Variants in CORO2B observed in about 807,000 individuals in gnomAD.
The protein encoded by CORO2B is coronin 2B.
CORO2B carries 26 observed loss-of-function variants against 58.8 expected under a neutral mutation model. The observed-to-expected ratio is 0.44, with a 90% CI of 0.32 to 0.61. The LOEUF (loss-of-function observed/expected upper bound fraction) is 0.61, where lower values mean the gene tolerates loss of function less well. Ranked by LOEUF, CORO2B falls within the 20% of genes least tolerant of loss-of-function variation. The probability of loss-of-function intolerance (pLI) is 0.04; values close to 1 mark genes in which losing one functional copy is unlikely to be tolerated. For missense variants in CORO2B, 460 were observed against 645.1 expected (o/e 0.71, Z 3.11); for synonymous variants, 242 against 253.8 (o/e 0.95, Z 0.44).
At chr15:68,565,739 G>C in the CORO2B span, among the ~76,000 whole-genome samples, 1 of 152,144 alleles carries the variant, frequency 6.6e-6, no homozygotes, top group African/African-American at 2.4e-5. Flanking sequence ...TAAGGAACCA[G>C]GCCTGCCTCA....
intron 1 of CORO2B, among the ~76,000 whole-genome samples, chr15:68,585,923 C>T (rs28592947): frequency 0.05 from 7,565 of 152,258 alleles, 317 homozygotes; most frequent in African/African-American, 0.1. Flanking sequence ...GAGGCAGAGC[C>T]GCCTTCTCCA....
chr15:68,682,520 C>T (rs563294702), intron 2 of CORO2B, among the ~76,000 whole-genome samples: 20 of 152,072 alleles, frequency 1.3e-4, no homozygotes, highest in Non-Finnish European at 2.6e-4. Context: ...ATCACATGGC[C>T]GCAGATTGAC....
At chr15:68,694,613 A>G (rs7359303) in intron 2 of CORO2B, among the ~76,000 whole-genome samples, 124,895 of 152,152 alleles carry the variant, frequency 0.82, 54,999 homozygotes, top group East Asian at 1. Context: ...AGAGATTCAG[A>G]CCTCTCTGCT....
At chr15:68,611,193 A>G (rs1447730339) in intron 1 of CORO2B, among the ~76,000 whole-genome samples, 3 of 152,254 alleles carry the variant, frequency 2.0e-5, no homozygotes, top group Non-Finnish European at 4.4e-5. Flanking sequence ...AACACGCTCC[A>G]TGATTCTCTT....
intron 1 of CORO2B, among the ~76,000 whole-genome samples, chr15:68,644,256 G>A (rs1901350357): frequency 1.3e-5 from 2 of 152,154 alleles, no homozygotes; most frequent in Non-Finnish European, 2.9e-5. Context: ...TTAATCATGT[G>A]CTTTGTCATC....
In CORO2B at chr15:68,644,337, T is replaced by C. The variant is rs1448288484; in HGVS notation, c.16-823T>C. 3.3e-5 allele frequency among the ~76,000 whole-genome samples: 5 copies of C among 152,202 alleles called. No individual in the cohort carries two copies. The East Asian group carries it at 7.7e-4, about 23-fold the overall frequency. ...TCCATCCTCAAAATATTGGATTCAG[T>C]AGGTCTAGATTGGGACCCAGTAATC... On this transcript the variant is annotated intron_variant, in intron 1 of 11. Transcript: ENST00000261861.
rs576184315 is a variant in CORO2B at position 68,621,887 on chromosome 15, G to A, written c.16-23273G>A. 3.0e-4 allele frequency among the ~76,000 whole-genome samples: 46 copies of A among 151,912 alleles called. 1 individual carries two copies. Among genetic ancestry groups the A allele is most frequent in the African/African-American group, 1.1e-3 (46 of 41,412 alleles). On this transcript the variant is annotated intron_variant, in intron 1 of 11. Transcript: ENST00000261861. ...TCCTCCCACCTCAGCCTCCCAAGGA[G>A]CTGGGACTATAGGCACATGCCACCA... is the stretch of plus-strand genomic sequence containing the variant.
chr15:68,654,170 C>G (rs527593905), intron 2 of CORO2B, among the ~76,000 whole-genome samples: 1 of 152,304 alleles, frequency 6.6e-6, no homozygotes, highest in South Asian at 2.1e-4. Context: ...GGAAGAATGG[C>G]TGCTGATTTT....
intron 1 of CORO2B, among the ~76,000 whole-genome samples, chr15:68,609,281 C>T (rs1187691061): frequency 1.3e-5 from 2 of 152,178 alleles, no homozygotes; most frequent in Admixed American, 6.5e-5. Context: ...AGAATTTGTC[C>T]TGCCCCATTC....
At chr15:68,547,728 G>C in the CORO2B span, among the ~76,000 whole-genome samples, 7 of 152,018 alleles carry the variant, frequency 4.6e-5, no homozygotes, top group African/African-American at 1.7e-4. Context: ...AAGACAATTA[G>C]CATGACAAAT....
At chr15:68,546,899 A>G in the CORO2B span, among the ~76,000 whole-genome samples, 3 of 152,112 alleles carry the variant, frequency 2.0e-5, no homozygotes, top group Admixed American at 2.0e-4. Flanking sequence ...CAATCAGGAG[A>G]CTTTCACCCT....
At chr15:68,618,191 T>C (rs942596763) in intron 1 of CORO2B, among the ~76,000 whole-genome samples, 11 of 152,166 alleles carry the variant, frequency 7.2e-5, no homozygotes, top group Non-Finnish European at 1.5e-4. Context: ...AAGGTCATGA[T>C]ATGCACTCTA....
intron 2 of CORO2B, among the ~76,000 whole-genome samples, chr15:68,662,805 G>T (rs1902055919): frequency 6.6e-6 from 1 of 152,202 alleles, no homozygotes; most frequent in African/African-American, 2.4e-5. Context: ...TGATCTGAAA[G>T]TGTGTGTATG....
chr15:68,532,069 T>C, the CORO2B span, among the ~76,000 whole-genome samples: 2 of 152,136 alleles, frequency 1.3e-5, no homozygotes, highest in African/African-American at 4.8e-5. Context: ...TGTCTTTTTC[T>C]CTCCAACTGC....
chr15:68,609,317 A>G (rs1024879813), intron 1 of CORO2B, among the ~76,000 whole-genome samples: 3 of 152,226 alleles, frequency 2.0e-5, no homozygotes, highest in Non-Finnish European at 4.4e-5. Context: ...AGCGTTATCT[A>G]GCAAAGGAGA....
At chr15:68,582,528 A>C (rs1033477475) in intron 1 of CORO2B, among the ~76,000 whole-genome samples, 1 of 152,136 alleles carries the variant, frequency 6.6e-6, no homozygotes, top group African/African-American at 2.4e-5. Flanking sequence ...TGCTTTGTAT[A>C]ATTTTCTTGT....
At chr15:68,559,567 G>A in the CORO2B span, 1 of 985,262 alleles carries the variant, frequency 1.0e-6, no homozygotes. This position sits in a 1 kb window ranked among gnomAD's most constrained non-coding sequence, Gnocchi z 4.3. Context: ...CCCGCTGGAA[G>A]AGCTGCAGGG....
intron 5 of CORO2B, among the ~76,000 whole-genome samples, chr15:68,713,000 G>T (rs1381597653): frequency 6.6e-6 from 1 of 152,106 alleles, no homozygotes; most frequent in Non-Finnish European, 1.5e-5. Flanking sequence ...AGTGTGTGAC[G>T]CCAGCCTGAA....
the CORO2B span, among the ~76,000 whole-genome samples, chr15:68,545,605 C>A: frequency 2.9e-5 from 2 of 68,866 alleles, no homozygotes; most frequent in African/African-American, 5.4e-5. Flanking sequence ...AACAGGAATG[C>A]GGGGGGCGGG....
Sources: gnomAD v4.1 joint callset for allele counts (sites outside exome capture counted in the v4.1 genomes callset) on GRCh38, gnomAD v4.1.1 for gene constraint, Gnocchi (gnomAD v3.1) non-coding constraint, MANE v1.5 for transcripts, NCBI Gene and HGNC (gene_info 2026-07-23, HGNC 2026-07-21) for gene names.